The following MCU variants were observed in gnomAD, a reference collection of about 807,000 sequenced individuals.
MCU encodes the protein calcium uniporter protein, mitochondrial.
MCU carries 12 observed loss-of-function variants against 45.2 expected under a neutral mutation model. The ratio of observed to expected loss-of-function variants is 0.27; its 90% confidence interval spans 0.17 to 0.43. The LOEUF (loss-of-function observed/expected upper bound fraction) is 0.43. MCU is among the 20% of genes least tolerant of loss of function. The pLI is 1.00. For synonymous variants in MCU, 160 were observed against 165.1 expected (o/e 0.97, Z 0.24); for missense variants, 324 against 436.7 (o/e 0.74, Z 2.30).
At chr10:72,727,287 G>C (rs999898434) in intron 1 of MCU, among the ~76,000 whole-genome samples, 1 of 152,192 alleles carries the variant, frequency 6.6e-6, no homozygotes, top group Non-Finnish European at 1.5e-5. Context: ...TTGAGGATTA[G>C]TGTTCTTGAA....
chr10:72,859,496 G>A, intron 3 of MCU, 149 bp downstream of exon 3: 1 of 588,542 alleles, frequency 1.7e-6, no homozygotes, highest in East Asian at 3.0e-5. Flanking sequence ...GCACTTACCA[G>A]GAGAGAAAGG....
At position 72,813,421 on chromosome 10, in the gene MCU, G is replaced by A. The variant is rs1157588061; in HGVS notation, c.151-20938G>A. Reference sequence around the variant, plus strand: ...TAAAACTTGGGAAAGAAGTGTAAGAGGATCTGTTAATTTAAATACCAGCTC... The same window carrying A: ...TAAAACTTGGGAAAGAAGTGTAAGAAGATCTGTTAATTTAAATACCAGCTC... On this transcript the variant is annotated intron_variant, in intron 1 of 7. Coordinates refer to ENST00000373053, the MANE Select transcript of MCU (RefSeq NM_138357.3). Among the ~76,000 whole-genome samples the A allele has an allele frequency of 4.0e-5, 6 of 149,750 alleles. No homozygotes were observed. In the East Asian group the frequency reaches 1.2e-3, roughly 29 times the overall value.
chr10:72,791,539 A>G (rs898208621), intron 1 of MCU, among the ~76,000 whole-genome samples: 3 of 152,142 alleles, frequency 2.0e-5, no homozygotes, highest in South Asian at 2.1e-4. Flanking sequence ...TGAAAAGGCT[A>G]TGCCTTTTCT....
intron 1 of MCU, among the ~76,000 whole-genome samples, chr10:72,753,994 C>T (rs1285738765): frequency 2.0e-5 from 3 of 152,186 alleles, no homozygotes; most frequent in East Asian, 1.9e-4. Context: ...GATTAAGTAA[C>T]TTACCCTAGA....
intron 1 of MCU, among the ~76,000 whole-genome samples, chr10:72,757,955 A>G (rs1194903590): frequency 6.6e-6 from 1 of 152,238 alleles, no homozygotes; most frequent in Non-Finnish European, 1.5e-5. Context: ...CATCTTCAAC[A>G]AAGAGCAATG....
intron 1 of MCU, among the ~76,000 whole-genome samples, chr10:72,782,930 T>G (rs934196674): frequency 3.3e-5 from 5 of 152,228 alleles, no homozygotes; most frequent in African/African-American, 1.2e-4. Context: ...TGTCTTTCAC[T>G]GAACCTAAGG....
rs1019344096 is a variant in MCU, at chr10:72,871,249, C to T, written c.658-128C>T. The T allele has an allele frequency of 6.2e-6, 5 of 812,758 alleles. No individual in the cohort carries two copies. In the African/African-American group the frequency reaches 8.5e-5, roughly 14 times the overall value. 50.3% of individuals were successfully genotyped at this position (812,758 alleles called of 1,614,324 possible). On this transcript the variant is annotated intron_variant, in intron 5 of 7. Coordinates refer to ENST00000373053, the MANE Select transcript of MCU (RefSeq NM_138357.3). ...TGCAGATACTATTTAGGAAGACAAG[C>T]TATATTTACTAGAATTGAGACTTGT...
intron 1 of MCU, among the ~76,000 whole-genome samples, chr10:72,747,560 G>A (rs1028473063): frequency 6.6e-6 from 1 of 152,174 alleles, no homozygotes; most frequent in African/African-American, 2.4e-5. Context: ...GGTCAGGCAC[G>A]GTGGCTTATG....
At chr10:72,748,330 G>A (rs972956056) in intron 1 of MCU, among the ~76,000 whole-genome samples, 3 of 152,374 alleles carry the variant, frequency 2.0e-5, no homozygotes, top group African/African-American at 7.2e-5. Flanking sequence ...TTACAGGCGT[G>A]TGCCACCGCA....
chr10:72,711,663 T>G (rs1284451529), intron 1 of MCU, among the ~76,000 whole-genome samples: 1 of 151,412 alleles, frequency 6.6e-6, no homozygotes, highest in African/African-American at 2.4e-5. Context: ...TGAGCTATAA[T>G]TGGGCCATTG....
intron 1 of MCU, among the ~76,000 whole-genome samples, chr10:72,820,144 T>C (rs936532384): frequency 6.6e-6 from 1 of 152,192 alleles, no homozygotes; most frequent in Non-Finnish European, 1.5e-5. Context: ...TCAAAGAATA[T>C]TTCATTTGTG....
chr10:72,838,477 G>A (rs111321192), intron 2 of MCU, among the ~76,000 whole-genome samples: 5 of 152,186 alleles, frequency 3.3e-5, no homozygotes, highest in African/African-American at 9.6e-5. Context: ...TGGGCGTGGT[G>A]GCATGTGCCT....
chr10:72,837,320 T>TA (rs1316470500), intron 2 of MCU, among the ~76,000 whole-genome samples: 2 of 152,188 alleles, frequency 1.3e-5, no homozygotes, highest in African/African-American at 2.4e-5. Context: ...CAGATTCCCC[T>TA]AGACCAAACC....
At chr10:72,865,890 T>C (rs969841919) in intron 4 of MCU, among the ~76,000 whole-genome samples, 1 of 151,762 alleles carries the variant, frequency 6.6e-6, no homozygotes, top group Admixed American at 6.6e-5. Flanking sequence ...CATTCTGCTG[T>C]CTCAGCCTCC....
At chr10:72,764,153 G>C (rs993772138) in intron 1 of MCU, among the ~76,000 whole-genome samples, 1 of 151,880 alleles carries the variant, frequency 6.6e-6, no homozygotes, top group African/African-American at 2.4e-5. Flanking sequence ...TCCTTGTCCT[G>C]TGGCTTTCAG....
chr10:72,844,095 C>CA (rs761186649), intron 2 of MCU, among the ~76,000 whole-genome samples: 2 of 151,984 alleles, frequency 1.3e-5, no homozygotes, highest in East Asian at 3.9e-4. Flanking sequence ...ACTAAAAATA[C>CA]AAAAAATTAG....
At chr10:72,839,364 A>G (rs1845011796) in intron 2 of MCU, among the ~76,000 whole-genome samples, 1 of 151,688 alleles carries the variant, frequency 6.6e-6, no homozygotes, top group Admixed American at 6.6e-5. Context: ...TAAGTTCCCC[A>G]GTTCTAATCT....
chr10:72,714,214 C>A (rs183352460), intron 1 of MCU, among the ~76,000 whole-genome samples: 2 of 151,796 alleles, frequency 1.3e-5, no homozygotes, highest in South Asian at 2.1e-4. Flanking sequence ...ATTTGCCCAC[C>A]GCGGCCTCCC....
chr10:72,850,567 A>T (rs1443020957), intron 2 of MCU, among the ~76,000 whole-genome samples: 1 of 152,212 alleles, frequency 6.6e-6, no homozygotes, highest in Non-Finnish European at 1.5e-5. Context: ...AATAACAAGC[A>T]TTTGTATTTT....
Sources: allele counts gnomAD v4.1 joint callset (sites outside exome capture counted in the v4.1 genomes callset), GRCh38; gene constraint gnomAD v4.1.1; transcripts MANE v1.5; gene names NCBI Gene and HGNC (gene_info 2026-07-23, HGNC 2026-07-21).